The following RABGEF1 variants were observed in gnomAD, a reference collection of about 807,000 sequenced individuals.
The protein encoded by RABGEF1 is rab5 GDP/GTP exchange factor.
A neutral mutation model predicts 57.3 loss-of-function variants in RABGEF1; 26 were observed. The ratio of observed to expected loss-of-function variants is 0.45; its 90% confidence interval spans 0.33 to 0.63. RABGEF1 has a LOEUF of 0.63. Among genes scored for constraint, RABGEF1 ranks in the 20% least tolerant of loss-of-function variants. The pLI, the probability that RABGEF1 is intolerant of heterozygous loss-of-function variation, is 0.02. For synonymous variants in RABGEF1, 185 were observed against 210.7 expected (o/e 0.88, Z 1.06); for missense variants, 464 against 607.6 (o/e 0.76, Z 2.48).
At chr7:66,761,816 TGA>T (rs1804444400) in intron 1 of RABGEF1, among the ~76,000 whole-genome samples, 1 of 152,056 alleles carries the variant, frequency 6.6e-6, no homozygotes, top group African/African-American at 2.4e-5. Context: ...TTTGGGAGTT[TGA>T]GGTAGGCAGG....
At position 66,795,573 on chromosome 7, in the gene RABGEF1, G is replaced by A. The variant is rs747186146; in HGVS notation, c.576G>A (p.Arg192=). The stretch of plus-strand genomic sequence containing the variant: ...ATTTCTACCACAATGTGGCCGAAAG[G>A]ATGCAAACTCGTGGGAAAGGTAACA... The part of the protein sequence containing the change: ...AQDFYHNVAE[R]MQTRGKVPPE... The change falls in exon 5 of 9, where the codon AGG becomes AGA. Residue 192 remains arginine (R), a synonymous_variant. Transcript: ENST00000284957. 9 of 1,609,736 alleles carry A rather than the reference G, an allele frequency of 5.6e-6. No individual in the cohort carries two copies. In the African/African-American group the frequency reaches 1.2e-4, roughly 22 times the overall value.
intron 7 of RABGEF1, 129 bp downstream of exon 7, chr7:66,799,543 T>C: frequency 1.4e-6 from 1 of 719,960 alleles, no homozygotes; most frequent in Non-Finnish European, 2.2e-6. Context: ...TAAAAGTGAT[T>C]TGTAAGATTG....
chr7:66,771,887 T>C lies in RABGEF1; in HGVS notation c.-13T>C. 5 of 1,485,716 alleles carry C rather than the reference T, an allele frequency of 3.4e-6. No individual in the cohort carries two copies. Among genetic ancestry groups the C allele is most frequent in the Non-Finnish European group, 4.5e-6 (5 of 1,110,984 alleles). The allele number at this position is 1,485,716 out of a possible 1,614,324, so 92.0% of individuals were successfully genotyped here. A position where few individuals can be genotyped will look rare whatever the true frequency, so the allele number is the denominator to read the frequency against. ...AGCACTTTCTTGTTTGTTCAGTGGT[T>C]AGCAGGAAGAAGATGAGCCTTAAGT... On this transcript the variant is annotated 5_prime_UTR_variant, in exon 2 of 9. Coordinates refer to ENST00000284957, the MANE Select transcript of RABGEF1 (RefSeq NM_014504.3).
At chr7:66,721,685 A>G (rs1796067035) in intron 2 of RABGEF1, among the ~76,000 whole-genome samples, 1 of 152,118 alleles carries the variant, frequency 6.6e-6, no homozygotes. Flanking sequence ...TCCTTAATTT[A>G]GGCTGGGTCC....
intron 1 of RABGEF1, among the ~76,000 whole-genome samples, chr7:66,753,561 G>C (rs982358094): frequency 1.1e-4 from 17 of 152,084 alleles, no homozygotes; most frequent in Non-Finnish European, 1.2e-4. Context: ...TTGGGCCAGG[G>C]TCTCTCTGCA....
At chr7:66,714,527 T>C (rs1371485963) in intron 2 of RABGEF1, among the ~76,000 whole-genome samples, 1 of 152,214 alleles carries the variant, frequency 6.6e-6, no homozygotes, top group Non-Finnish European at 1.5e-5. Flanking sequence ...AATCAGCTTT[T>C]GATTTAATTG....
the RABGEF1 span, among the ~76,000 whole-genome samples, chr7:66,672,127 A>G: frequency 2.0e-5 from 3 of 151,974 alleles, no homozygotes; most frequent in East Asian, 5.8e-4. Context: ...CTGTTAAAAA[A>G]TAAAAAAAAA....
intron 2 of RABGEF1, chr7:66,773,565 G>C: frequency 2.4e-6 from 1 of 414,426 alleles, no homozygotes; most frequent in South Asian, 1.8e-5. Context: ...AGTAAGACTA[G>C]AGAATTTGCA....
chr7:66,730,701 G>A (rs1797218320), intron 2 of RABGEF1, among the ~76,000 whole-genome samples: 1 of 152,010 alleles, frequency 6.6e-6, no homozygotes, highest in Non-Finnish European at 1.5e-5. Flanking sequence ...GGGATTACAG[G>A]CATCCGCCAC....
In RABGEF1 at chr7:66,759,494, G is replaced by T. The variant is rs191070755; in HGVS notation, c.-17-12389G>T. ...GGTTGGTCACATAGTATATTAGTTC[G>T]TTCATTCTCACGTAGTTATAAAGAA... On this transcript the variant is annotated intron_variant, in intron 1 of 8. Transcript: ENST00000284957. 2.3e-3 allele frequency among the ~76,000 whole-genome samples: 356 copies of T among 152,216 alleles called. 2 individuals carry two copies. Among genetic ancestry groups the T allele is most frequent in the African/African-American group, 7.9e-3 (328 of 41,510 alleles).
chr7:66,693,023 C>T (rs1210943576), intron 1 of RABGEF1, among the ~76,000 whole-genome samples: 1 of 152,156 alleles, frequency 6.6e-6, no homozygotes, highest in Non-Finnish European at 1.5e-5. Context: ...CCCAGGCCCT[C>T]CTAGCGGGGG....
chr7:66,808,884 A>T lies in RABGEF1; in HGVS notation c.1078-2A>T. 1 of 1,568,024 alleles carries T rather than the reference A, an allele frequency of 6.4e-7. No individual in the cohort carries two copies. Among genetic ancestry groups the T allele is most frequent in the Non-Finnish European group, 8.7e-7 (1 of 1,147,040 alleles). ...GACTGTATTAACGTCCTCTTCTTGT[A>T]GTGCTGTGCTGTGGCTTTCATTGAG... On this transcript the variant is annotated splice_acceptor_variant, in intron 8 of 8. Coordinates refer to ENST00000284957, the MANE Select transcript of RABGEF1 (RefSeq NM_014504.3). LOFTEE classifies it high-confidence loss of function.
At chr7:66,656,053 C>G in the RABGEF1 span, among the ~76,000 whole-genome samples, 1 of 152,180 alleles carries the variant, frequency 6.6e-6, no homozygotes, top group Non-Finnish European at 1.5e-5. Context: ...GAGTAACATT[C>G]AGACTAACAG....
intron 2 of RABGEF1, among the ~76,000 whole-genome samples, chr7:66,773,251 G>T (rs1476747302): frequency 1.3e-5 from 2 of 152,110 alleles, no homozygotes; most frequent in African/African-American, 2.4e-5. Context: ...GGTTTCCACT[G>T]CATGCCTGAT....
intron 5 of RABGEF1, 87 bp downstream of exon 5, chr7:66,795,679 T>C (rs1813859856): frequency 7.8e-7 from 1 of 1,287,254 alleles, no homozygotes; most frequent in Non-Finnish European, 1.1e-6. Flanking sequence ...TCTCTGATGG[T>C]CTGGCTGGTT....
At chr7:66,656,459 A>G in the RABGEF1 span, among the ~76,000 whole-genome samples, 1 of 152,136 alleles carries the variant, frequency 6.6e-6, no homozygotes, top group South Asian at 2.1e-4. Flanking sequence ...GAGATCTAGA[A>G]GCTTAGGCTT....
At chr7:66,681,705 C>T (rs976258472), upstream of RABGEF1, among the ~76,000 whole-genome samples, 39 of 152,304 alleles carry the variant, frequency 2.6e-4, no homozygotes, top group Middle Eastern at 3.4e-3. Flanking sequence ...GGCTTAAGAC[C>T]CTTTAACTCG....
chr7:66,659,315 G>A, the RABGEF1 span, among the ~76,000 whole-genome samples: 1 of 151,926 alleles, frequency 6.6e-6, no homozygotes, highest in African/African-American at 2.4e-5. Flanking sequence ...AGCTAGGCAT[G>A]GTGGTGGGTG....
intron 2 of RABGEF1, among the ~76,000 whole-genome samples, chr7:66,722,731 T>C (rs928369980): frequency 5.9e-5 from 9 of 152,154 alleles, no homozygotes; most frequent in African/African-American, 2.2e-4. Context: ...AGTCAAGGAG[T>C]GTGAGTCTTC....
Sources: gnomAD v4.1 joint callset for allele counts (sites outside exome capture counted in the v4.1 genomes callset) on GRCh38, gnomAD v4.1.1 for gene constraint, MANE v1.5 for transcripts, NCBI Gene and HGNC (gene_info 2026-07-23, HGNC 2026-07-21) for gene names.